ELOVL5: variants seen among roughly 807,000 people sequenced by gnomAD.
ELOVL5 encodes the protein ELOVL fatty acid elongase 5, also known as very long chain fatty acid elongase 5.
A neutral mutation model predicts 38.6 loss-of-function variants in ELOVL5; 8 were observed. The observed-to-expected ratio is 0.21, with a 90% CI of 0.12 to 0.37. ELOVL5 has a LOEUF of 0.37. Ranked by LOEUF, ELOVL5 falls within the 10% of genes least tolerant of loss-of-function variation. ELOVL5 has a pLI of 1.00. For synonymous variants in ELOVL5, 127 were observed against 133.7 expected, an observed-to-expected ratio of 0.95 and a Z score of 0.34; for missense variants, 280 against 367.8, an observed-to-expected ratio of 0.76 and a Z score of 1.95.
intron 1 of ELOVL5, among the ~76,000 whole-genome samples, chr6:53,305,263 C>T (rs1767454288): frequency 6.8e-6 from 1 of 146,060 alleles, no homozygotes; most frequent in African/African-American, 2.6e-5. Flanking sequence ...TCCTCACTTC[C>T]CAGTAGGGGC....
intron 1 of ELOVL5, among the ~76,000 whole-genome samples, chr6:53,340,709 T>G (rs72940713): frequency 6.6e-6 from 1 of 152,244 alleles, no homozygotes; most frequent in Admixed American, 6.5e-5. Flanking sequence ...ATATGCCCTA[T>G]GTATGTGGTA....
At chr6:53,277,790 G>A (rs954731134) in intron 3 of ELOVL5, 5 of 152,260 alleles carry the variant, frequency 3.3e-5, no homozygotes, top group African/African-American at 1.2e-4. Context: ...GTTGGAGGTC[G>A]GGGGAGGAAG....
At chr6:53,286,728 T>C (rs887117485) in intron 3 of ELOVL5, among the ~76,000 whole-genome samples, 6 of 152,250 alleles carry the variant, frequency 3.9e-5, no homozygotes, top group Non-Finnish European at 5.9e-5. Context: ...ATTACATCTA[T>C]ACGACTCAAG....
intron 1 of ELOVL5, among the ~76,000 whole-genome samples, chr6:53,301,414 A>C (rs1289722066): frequency 1.3e-5 from 2 of 152,206 alleles, no homozygotes; most frequent in African/African-American, 4.8e-5. Context: ...CAAAAGAATA[A>C]GCTATTCTTT....
intron 3 of ELOVL5, 123 bp from the exon 4 acceptor site, chr6:53,276,379 G>A (rs1766124418): frequency 1.5e-6 from 1 of 652,670 alleles, no homozygotes; most frequent in Middle Eastern, 2.5e-4. Context: ...AGTTTGCTCT[G>A]AGAAAAAACA....
At chr6:53,343,277 A>C (rs1769404761) in intron 1 of ELOVL5, among the ~76,000 whole-genome samples, 1 of 151,604 alleles carries the variant, frequency 6.6e-6, no homozygotes, top group Admixed American at 6.6e-5. Context: ...CAGTGGTGTA[A>C]TCACGGCTCA....
intron 1 of ELOVL5, among the ~76,000 whole-genome samples, chr6:53,338,366 T>C (rs967464085): frequency 6.6e-6 from 1 of 152,134 alleles, no homozygotes; most frequent in Non-Finnish European, 1.5e-5. Context: ...AAAAAGAAGC[T>C]GCTTTTGTTC....
At chr6:53,327,620 C>T (rs1021466878) in intron 1 of ELOVL5, among the ~76,000 whole-genome samples, 5 of 152,168 alleles carry the variant, frequency 3.3e-5, no homozygotes, top group Non-Finnish European at 7.3e-5. Flanking sequence ...CTGTGGCAAA[C>T]AACACTGTGG....
At chr6:53,278,990 T>C (rs920517776) in intron 3 of ELOVL5, among the ~76,000 whole-genome samples, 12 of 152,220 alleles carry the variant, frequency 7.9e-5, no homozygotes, top group African/African-American at 2.4e-4. Context: ...ATTGGACCTC[T>C]TCCCATTCTC....
chr6:53,316,419 T>C (rs1452423256), intron 1 of ELOVL5, among the ~76,000 whole-genome samples: 1 of 151,926 alleles, frequency 6.6e-6, no homozygotes, highest in African/African-American at 2.4e-5. Flanking sequence ...AAGAGAGTAA[T>C]ATTTAAGGCT....
chr6:53,348,495 C>G (rs1483778787), intron 1 of ELOVL5, among the ~76,000 whole-genome samples: 1 of 152,132 alleles, frequency 6.6e-6, no homozygotes, highest in African/African-American at 2.4e-5. Context: ...GTGTCGTGCC[C>G]CGCGGCGCCT....
chr6:53,299,864 C>T (rs935601592), intron 1 of ELOVL5, among the ~76,000 whole-genome samples: 1 of 152,174 alleles, frequency 6.6e-6, no homozygotes, highest in African/African-American at 2.4e-5. Context: ...GAGAATTTTT[C>T]TCCTAGGTTT....
At position 53,270,479 on chromosome 6, in the gene ELOVL5, A is replaced by G; in HGVS notation, c.756+114T>C. Reference sequence around the variant, plus strand: ...CTGCTCTTGTCATAGTGACTCCATTAGAGGCCAGAGCCTGTCACCCAGCAA... The same window carrying G: ...CTGCTCTTGTCATAGTGACTCCATTGGAGGCCAGAGCCTGTCACCCAGCAA... On this transcript the variant is annotated intron_variant, in intron 7 of 7. Transcript: ENST00000304434. The G allele has an allele frequency of 2.6e-6, 3 of 1,168,538 alleles. No individual in the cohort carries two copies. In the South Asian group the frequency reaches 4.3e-5, roughly 17 times the overall value. The allele number at this position is 1,168,538 out of a possible 1,614,324, so 72.4% of individuals were successfully genotyped here.
chr6:53,335,350 C>T (rs1769008855), intron 1 of ELOVL5, among the ~76,000 whole-genome samples: 1 of 152,224 alleles, frequency 6.6e-6, no homozygotes, highest in Non-Finnish European at 1.5e-5. Flanking sequence ...CCTCTGGCTT[C>T]CCTGGTCTAC....
At chr6:53,312,593 C>T (rs1767888924) in intron 1 of ELOVL5, among the ~76,000 whole-genome samples, 1 of 152,188 alleles carries the variant, frequency 6.6e-6, no homozygotes. Flanking sequence ...CTGGACCGTA[C>T]TAATGTCAGT....
At chr6:53,341,323 T>G (rs1158044129) in intron 1 of ELOVL5, among the ~76,000 whole-genome samples, 1 of 152,190 alleles carries the variant, frequency 6.6e-6, no homozygotes, top group African/African-American at 2.4e-5. Context: ...AATGTAACGA[T>G]GAATAAGAAA....
At position 53,268,693 on chromosome 6, in the gene ELOVL5, C is replaced by A. The variant is rs932148851; in HGVS notation, c.*434G>T. ...TAATTTAAACTAATAAGCTTTGGGC[C>A]CTGCTTTTTAAATTTTAAGGCATGT... On this transcript the variant is annotated 3_prime_UTR_variant, in exon 8 of 8. Coordinates refer to ENST00000304434, the MANE Select transcript of ELOVL5 (RefSeq NM_021814.5). 1 of 153,132 alleles carries A rather than the reference C, an allele frequency of 6.5e-6. No individual in the cohort carries two copies. Among genetic ancestry groups the A allele is most frequent in the African/African-American group, 2.4e-5 (1 of 41,360 alleles). 9.5% of individuals were successfully genotyped at this position (153,132 alleles called of 1,614,324 possible). A position where few individuals can be genotyped will look rare whatever the true frequency, so the allele number is the denominator to read the frequency against.
chr6:53,335,300 C>A (rs921516922), intron 1 of ELOVL5, among the ~76,000 whole-genome samples: 1 of 152,224 alleles, frequency 6.6e-6, no homozygotes, highest in African/African-American at 2.4e-5. Flanking sequence ...CCAAACCTGT[C>A]CCTGTGGCCC....
chr6:53,272,844 A>G (rs1326458577), intron 6 of ELOVL5, among the ~76,000 whole-genome samples: 1 of 152,194 alleles, frequency 6.6e-6, no homozygotes, highest in East Asian at 1.9e-4. Flanking sequence ...ACTACTCTCC[A>G]GCTCCTTCTA....
Sources: gnomAD v4.1 joint callset for allele counts (sites outside exome capture counted in the v4.1 genomes callset) on GRCh38, gnomAD v4.1.1 for gene constraint, MANE v1.5 for transcripts, NCBI Gene and HGNC (gene_info 2026-07-23, HGNC 2026-07-21) for gene names.